MBD5: variants seen among roughly 807,000 people sequenced by gnomAD.
MBD5 encodes the protein methyl-CpG binding domain protein 5, also known as methyl-CpG-binding domain protein 5.
A neutral mutation model predicts 117.3 loss-of-function variants in MBD5; 13 were observed. The ratio of observed to expected loss-of-function variants is 0.11; its 90% confidence interval spans 0.07 to 0.18. The LOEUF (loss-of-function observed/expected upper bound fraction) is 0.18, where lower values mean the gene tolerates loss of function less well. Among genes scored for constraint, MBD5 ranks in the 10% least tolerant of loss-of-function variants. MBD5 has a pLI of 1.00. For missense variants in MBD5, 1,879 were observed against 2,093.8 expected (o/e 0.90, Z 2.00); for synonymous variants, 727 against 766.4 (o/e 0.95, Z 0.85).
At chr2:148,373,536 C>T (rs1226426420) in intron 4 of MBD5, among the ~76,000 whole-genome samples, 4 of 152,074 alleles carry the variant, frequency 2.6e-5, no homozygotes. Context: ...ATAGATAAAC[C>T]ATAAGGCTTT....
chr2:148,495,258 G>A (rs1574490996), intron 11 of MBD5, among the ~76,000 whole-genome samples: 1 of 152,172 alleles, frequency 6.6e-6, no homozygotes, highest in Non-Finnish European at 1.5e-5. Context: ...CAACAATGGA[G>A]GAAATGGTTA....
intron 1 of MBD5, among the ~76,000 whole-genome samples, chr2:148,102,816 A>G (rs1283313509): frequency 6.6e-6 from 1 of 151,404 alleles, no homozygotes; most frequent in Non-Finnish European, 1.5e-5. Context: ...TTGTAGGAGC[A>G]GTAGAAGACT....
chr2:148,173,310 G>A (rs1315731666), intron 1 of MBD5, among the ~76,000 whole-genome samples: 9 of 152,160 alleles, frequency 5.9e-5, no homozygotes, highest in South Asian at 2.1e-4. Context: ...AATTGCTTGC[G>A]GTATGCCTGG....
At chr2:148,099,990 G>T (rs894343112) in intron 1 of MBD5, among the ~76,000 whole-genome samples, 2 of 152,172 alleles carry the variant, frequency 1.3e-5, no homozygotes. Flanking sequence ...ACAGCCTAGT[G>T]GGGTAGACAG....
At chr2:148,428,937 A>G (rs572309018) in intron 4 of MBD5, among the ~76,000 whole-genome samples, 1 of 152,228 alleles carries the variant, frequency 6.6e-6, no homozygotes, top group Non-Finnish European at 1.5e-5. Flanking sequence ...AGGCATGGGC[A>G]AAGCCTTCAT....
At chr2:148,161,539 A>G (rs1698006861) in intron 1 of MBD5, among the ~76,000 whole-genome samples, 3 of 152,320 alleles carry the variant, frequency 2.0e-5, no homozygotes, top group East Asian at 3.9e-4. Context: ...ACTTTAATCC[A>G]TACTTTTTTT....
chr2:148,398,680 G>T (rs1432012233), intron 4 of MBD5, among the ~76,000 whole-genome samples: 1 of 152,052 alleles, frequency 6.6e-6, no homozygotes, highest in Non-Finnish European at 1.5e-5. Flanking sequence ...GTCAATTTTG[G>T]CTTTTGTTGC....
chr2:148,381,821 A>G (rs1339935169), intron 4 of MBD5, among the ~76,000 whole-genome samples: 1 of 152,334 alleles, frequency 6.6e-6, no homozygotes, highest in Non-Finnish European at 1.5e-5. Flanking sequence ...CTGAAGGAAA[A>G]GAATTTTCAA....
Position 148,274,450 on chromosome 2 carries a change from G to A in MBD5, c.-680+41055G>A, listed in dbSNP as rs547846618. On this transcript the variant is annotated intron_variant, in intron 3 of 13. Transcript: ENST00000642680. ...GAAATAATCTCGACCTTTAACTTTA[G>A]ATTAATGTTGCTTATCATTTTACAC... is the stretch of plus-strand genomic sequence containing the variant. Among the ~76,000 whole-genome samples, 26 of 147,310 alleles carry A rather than the reference G, an allele frequency of 1.8e-4. No individual in the cohort carries two copies. The South Asian group carries it at 2.4e-3, about 13-fold the overall frequency.
chr2:148,369,971 T>C (rs936092281), intron 4 of MBD5, among the ~76,000 whole-genome samples: 5 of 152,166 alleles, frequency 3.3e-5, no homozygotes, highest in African/African-American at 9.7e-5. Context: ...ACCATACATT[T>C]ACTCATTCTT....
At chr2:148,126,266 G>A (rs939821505) in intron 1 of MBD5, among the ~76,000 whole-genome samples, 11 of 151,694 alleles carry the variant, frequency 7.3e-5, no homozygotes, top group African/African-American at 1.9e-4. Context: ...TTAGCTGGGC[G>A]TGGTGGTGTG....
At chr2:148,471,436 A>G (rs1435850855) in intron 8 of MBD5, 1 of 152,192 alleles carries the variant, frequency 6.6e-6, no homozygotes, top group African/African-American at 2.4e-5. Context: ...AGATGGTTGT[A>G]AAGACATTAT....
chr2:148,292,543 C>G (rs529170601), intron 3 of MBD5, among the ~76,000 whole-genome samples: 4 of 152,222 alleles, frequency 2.6e-5, no homozygotes, highest in Non-Finnish European at 5.9e-5. Context: ...ATTAAAATGA[C>G]TTATATCCAA....
intron 3 of MBD5, among the ~76,000 whole-genome samples, chr2:148,267,954 T>TC (rs1282570963): frequency 1.4e-5 from 2 of 145,208 alleles, no homozygotes; most frequent in Admixed American, 6.8e-5. Flanking sequence ...TTTTTTTTCT[T>TC]TTTTTTTTTT....
chr2:148,215,677 A>G (rs10928386), intron 2 of MBD5, among the ~76,000 whole-genome samples: 16,551 of 145,890 alleles, frequency 0.11, 944 homozygotes, highest in South Asian at 0.16. Context: ...GTGCAGCACC[A>G]TGCCCGGCTA....
At chr2:148,327,112 A>T (rs1052506502) in intron 3 of MBD5, among the ~76,000 whole-genome samples, 1 of 151,984 alleles carries the variant, frequency 6.6e-6, no homozygotes, top group African/African-American at 2.4e-5. Context: ...GTTTGGCTGG[A>T]TATGAAATTC....
intron 1 of MBD5, among the ~76,000 whole-genome samples, chr2:148,086,683 G>T (rs1695801344): frequency 6.6e-6 from 1 of 152,056 alleles, no homozygotes; most frequent in African/African-American, 2.4e-5. Context: ...TACCCAACAG[G>T]ATACAGAATA....
At chr2:148,250,362 G>T (rs1195189265) in intron 3 of MBD5, among the ~76,000 whole-genome samples, 3 of 152,134 alleles carry the variant, frequency 2.0e-5, no homozygotes, top group Non-Finnish European at 4.4e-5. Flanking sequence ...ACTACTGGGT[G>T]ACAGCAATAA....
chr2:148,280,131 C>CAAAAAAAAAAAAAAAAAAACA (rs1701210414), intron 3 of MBD5, among the ~76,000 whole-genome samples: 1 of 91,886 alleles, frequency 1.1e-5, no homozygotes, highest in African/African-American at 4.0e-5. Flanking sequence ...AAACTAACTG[C>CAAAAAAAAAAAAAAAAAAACA]AAAAAAAAAA....
Sources: allele counts gnomAD v4.1 joint callset (sites outside exome capture counted in the v4.1 genomes callset), GRCh38; gene constraint gnomAD v4.1.1; transcripts MANE v1.5; gene names NCBI Gene and HGNC (gene_info 2026-07-23, HGNC 2026-07-21).